The following NOL6 variants were observed in gnomAD, a reference collection of about 807,000 sequenced individuals.
NOL6 encodes the protein nucleolar RNA-associated protein.
NOL6 carries 33 observed loss-of-function variants against 131.7 expected under a neutral mutation model. The ratio of observed to expected loss-of-function variants is 0.25; its 90% CI spans 0.19 to 0.33. The LOEUF (loss-of-function observed/expected upper bound fraction) is 0.33. Among genes scored for constraint, NOL6 ranks in the 10% least tolerant of loss-of-function variants. The pLI, the probability that NOL6 is intolerant of heterozygous loss-of-function variation, is 1.00. For synonymous variants in NOL6, 580 were observed against 605.7 expected, an observed-to-expected ratio of 0.96 and a Z score of 0.62; for missense variants, 1,297 against 1,494.5, an observed-to-expected ratio of 0.87 and a Z score of 2.18.
chr9:33,469,564 C>T lies in NOL6; in HGVS notation c.662G>A (p.Gly221Asp). The T allele has an allele frequency of 1.2e-6, 2 of 1,608,296 alleles. No individual in the cohort carries two copies. The highest frequency in any genetic ancestry group is 1.1e-5 in the South Asian group (1 of 90,192). The change falls in exon 5 of 26, where the codon GGC becomes GAC. Residue 221 changes from glycine to aspartate, a missense_variant. Gly to Asp is a moderately conservative substitution (Grantham distance 94). Coordinates refer to ENST00000297990, the MANE Select transcript of NOL6 (RefSeq NM_022917.5). ...AHHLAQDPLF[G>D]SVCFSYTNGC... ...ATTTGTGTAGGAGAAGCAAACACTG[C>T]CAAAGAGGGGGTCCTGGGCCAGGTG... is the stretch of plus-strand genomic sequence containing the variant.
chr9:33,467,431 C>A lies in NOL6; in HGVS notation c.1688G>T (p.Ser563Ile), dbSNP rs1827277986. 6.2e-7 allele frequency: 1 copy of A among 1,614,228 alleles called. No individual in the cohort carries two copies. The highest frequency in any genetic ancestry group is 1.1e-5 in the South Asian group (1 of 91,090). ...TGCCTCTGGACCCAGCTCAAGGACG[C>A]TGGTCAGTCCCTCAGGCCGGAGAAG... Reference protein sequence around the residue: ...GLLLRPEGLTSVLELGPEADQ... With the variant: ...GLLLRPEGLTIVLELGPEADQ... Residue 563 changes from serine (S) to isoleucine (I), a missense_variant, in exon 13 of 26, where the codon AGC becomes ATC. Ser to Ile is a moderately radical substitution (Grantham distance 142). Transcript: ENST00000297990. This position sits in a 1 kb window ranked among gnomAD's most constrained non-coding sequence, Gnocchi z 4.4.
At chr9:33,466,785 C>A in intron 15 of NOL6, 76 bp from the exon 16 acceptor site, 5 of 1,590,646 alleles carry the variant, frequency 3.1e-6, no homozygotes, top group Non-Finnish European at 4.3e-6. Context: ...CCAGCTCAGG[C>A]TGCAGCAGAG....
rs757386025 is a variant in NOL6, at chr9:33,466,604, C to T, written c.2056G>A (p.Val686Ile). 1.2e-6 allele frequency: 2 copies of T among 1,614,028 alleles called. No individual in the cohort carries two copies. The highest frequency in any genetic ancestry group is 1.7e-6 in the Non-Finnish European group (2 of 1,180,046). ...CGCAGCACTGGGTGAGCTCCCTGAA[C>T]AGCAGACACGGTCAGTGGGAGACCC... ...LEGLPLTVSAVQGAHPVLRYT... is the reference protein window; with the variant it reads ...LEGLPLTVSAIQGAHPVLRYT... Residue 686 changes from valine to isoleucine, a missense_variant, in exon 16 of 26, where the codon GTT becomes ATT. Coordinates refer to ENST00000297990, the MANE Select transcript of NOL6 (RefSeq NM_022917.5).
chr9:33,469,193 C>T lies in NOL6; in HGVS notation c.862+14G>A, dbSNP rs2777747. On this transcript the variant is annotated intron_variant, in intron 6 of 25. Transcript: ENST00000297990. Reference sequence around the variant, plus strand: ...CTTCCCTCCAGCTCCACCTCAACACCAGGGCCTGCTCACCATCCCCTGCAG... The same window carrying T: ...CTTCCCTCCAGCTCCACCTCAACACTAGGGCCTGCTCACCATCCCCTGCAG... 0.067 allele frequency: 108,214 copies of T among 1,614,074 alleles called. 4,977 individuals carry two copies. The highest frequency in any genetic ancestry group is 0.23 in the African/African-American group (17,549 of 74,984).
rs1266396022 is a variant in NOL6, at chr9:33,468,271, GA to G, written c.1308+49del. The G allele has an allele frequency of 3.1e-6, 5 of 1,610,220 alleles. No homozygotes were observed. The South Asian group carries it at 5.5e-5, about 18-fold the overall frequency. ...GGTTCTGGTACTTGCAAAAGGGACA[GA>G]GTCTGGGCTGAGACATCAGGGGAAC... is the stretch of plus-strand genomic sequence containing the variant. On this transcript the variant is annotated intron_variant, in intron 10 of 25. Coordinates refer to ENST00000297990, the MANE Select transcript of NOL6 (RefSeq NM_022917.5).
rs773980052 is a variant in NOL6 at position 33,466,631 on chromosome 9, C to G, written c.2029G>C (p.Glu677Gln). Residue 677 changes from glutamate to glutamine, a missense_variant, in exon 16 of 26, where the codon GAG becomes CAG. Glu to Gln is a conservative substitution (Grantham distance 29). Transcript: ENST00000297990. ...DDLSRLLWGL[E>Q]GLPLTVSAVQ... Reference sequence around the variant, plus strand: ...GCAGACACGGTCAGTGGGAGACCCTCTAGCCCCCACAGTAGGCGACTGAGG... The same window carrying G: ...GCAGACACGGTCAGTGGGAGACCCTGTAGCCCCCACAGTAGGCGACTGAGG... 3 of 1,614,090 alleles carry G rather than the reference C, an allele frequency of 1.9e-6. No individual in the cohort carries two copies. Among genetic ancestry groups the G allele is most frequent in the South Asian group, 2.2e-5 (2 of 91,088 alleles).
Position 33,467,952 on chromosome 9 carries a change from G to A in NOL6, c.1424+78C>T. 3 of 1,607,470 alleles carry A rather than the reference G, an allele frequency of 1.9e-6. No homozygotes were observed. The highest frequency in any genetic ancestry group is 2.6e-6 in the Non-Finnish European group (3 of 1,175,508). ...TCCTCCCTGAATGATCTGAGCACCT[G>A]TCTGAAGACCTTTGCCCCACCACTG... On this transcript the variant is annotated intron_variant, in intron 11 of 25. Coordinates refer to ENST00000297990, the MANE Select transcript of NOL6 (RefSeq NM_022917.5). This position sits in a 1 kb window ranked among gnomAD's most constrained non-coding sequence, Gnocchi z 4.4.
intron 1 of NOL6, among the ~76,000 whole-genome samples, chr9:33,472,856 T>C (rs1424736968): frequency 6.6e-6 from 1 of 150,836 alleles, no homozygotes; most frequent in East Asian, 2.0e-4. Context: ...GCCTGTAATC[T>C]CAGCTACGCG....
intron 22 of NOL6, 50 bp from the exon 23 acceptor site, chr9:33,463,970 G>C: frequency 6.2e-7 from 1 of 1,613,844 alleles, no homozygotes; most frequent in Middle Eastern, 1.7e-4. Context: ...TCTCTCCCAG[G>C]TCAGGCTGGG....
intron 10 of NOL6, 86 bp downstream of exon 10, chr9:33,468,234 AG>A: frequency 6.2e-7 from 1 of 1,609,300 alleles, no homozygotes; most frequent in Non-Finnish European, 8.5e-7. Flanking sequence ...CTCTTTGAAG[AG>A]GAGTTTCTGG....
rs778373517 is a variant in NOL6 at position 33,469,096 on chromosome 9, G to A, written c.888C>T (p.Arg296=). Residue 296 remains arginine (R), a synonymous_variant, in exon 7 of 26, where the codon CGC becomes CGT. Transcript: ENST00000297990. The stretch of plus-strand genomic sequence containing the variant: ...TATCTTGCAGGACCCATGTGTTATA[G>A]CGGGGGGTAGGAGGCTCTGGGCTAC... ...GDGSPEPPTP[R]YNTWVLQDTV... 50 of 1,614,100 alleles carry A rather than the reference G, an allele frequency of 3.1e-5. No homozygotes were observed. The highest frequency in any genetic ancestry group is 4.2e-5 in the Non-Finnish European group (50 of 1,180,046).
intron 4 of NOL6, 147 bp downstream of exon 4, chr9:33,469,865 G>T: frequency 9.7e-7 from 1 of 1,027,434 alleles, no homozygotes; most frequent in Non-Finnish European, 1.4e-6. Context: ...AGGGATCTAA[G>T]CTGCCTTCAG....
rs201314716 is a variant in NOL6, at chr9:33,466,429, T to G, written c.2092-4A>C. ...GGACTGGAGTTGGTGGGAACACCTG[T>G]GGAAGAAGAGGGGCTGAGGAATGGG... is the stretch of plus-strand genomic sequence containing the variant. On this transcript the variant is annotated splice_region_variant and splice_polypyrimidine_tract_variant and intron_variant, in intron 16 of 25. Coordinates refer to ENST00000297990, the MANE Select transcript of NOL6 (RefSeq NM_022917.5). 1.2e-5 allele frequency: 19 copies of G among 1,613,912 alleles called. No individual in the cohort carries two copies. In the East Asian group the frequency reaches 2.7e-4, roughly 23 times the overall value.
In NOL6 at chr9:33,466,609, G is replaced by C. The variant is rs745776276; in HGVS notation, c.2051C>G (p.Ser684Cys). The change falls in exon 16 of 26, where the codon TCT becomes TGT. Residue 684 changes from serine to cysteine, a missense_variant. By Grantham distance (112) the Ser-to-Cys change is moderately radical. Transcript: ENST00000297990. ...WGLEGLPLTV[S>C]AVQGAHPVLR... Reference sequence around the variant, plus strand: ...CACTGGGTGAGCTCCCTGAACAGCAGACACGGTCAGTGGGAGACCCTCTAG... The same window carrying C: ...CACTGGGTGAGCTCCCTGAACAGCACACACGGTCAGTGGGAGACCCTCTAG... The C allele has an allele frequency of 3.7e-6, 6 of 1,614,030 alleles. No homozygotes were observed. In the East Asian group the frequency reaches 1.1e-4, roughly 30 times the overall value.
intron 3 of NOL6, chr9:33,470,420 T>C (rs541659882): frequency 3.7e-5 from 12 of 324,826 alleles, no homozygotes; most frequent in South Asian, 1.0e-4. Flanking sequence ...GAGCCGGGCG[T>C]GGTGGCTCAC....
chr9:33,466,552 G>A lies in NOL6; in HGVS notation c.2091+17C>T. ...GGGCCACTAAGCAGAAAGGTCACCT[G>A]CACCGTTGCACCTCACCTCTGTGTA... On this transcript the variant is annotated intron_variant, in intron 16 of 25. Transcript: ENST00000297990. 1.9e-6 allele frequency: 3 copies of A among 1,613,808 alleles called. No individual in the cohort carries two copies. The highest frequency in any genetic ancestry group is 2.5e-6 in the Non-Finnish European group (3 of 1,179,792).
chr9:33,465,931 G>A (rs771253671), intron 18 of NOL6, 34 bp from the exon 19 acceptor site: 5 of 1,604,658 alleles, frequency 3.1e-6, no homozygotes, highest in South Asian at 1.1e-5. Context: ...AGAAGGATGT[G>A]TCAGCCCAGA....
At position 33,471,042 on chromosome 9, in the gene NOL6, G is replaced by A. The variant is rs141550712; in HGVS notation, c.379-851C>T. Among the ~76,000 whole-genome samples the A allele has an allele frequency of 6.1e-3, 924 of 152,250 alleles. 3 individuals are homozygous for A. The highest frequency in any genetic ancestry group is 0.01 in the Middle Eastern group (3 of 288). Reference sequence around the variant, plus strand: ...AATCCCAGCACTTTGGAAGGCCAAGGAGAGCAAATTACCTGAGGTCAGGAG... The same window carrying A: ...AATCCCAGCACTTTGGAAGGCCAAGAAGAGCAAATTACCTGAGGTCAGGAG... On this transcript the variant is annotated intron_variant, in intron 3 of 25. Coordinates refer to ENST00000297990, the MANE Select transcript of NOL6 (RefSeq NM_022917.5).
In NOL6 at chr9:33,462,832, A is replaced by G; in HGVS notation, c.3292-19T>C. 6.2e-7 allele frequency: 1 copy of G among 1,613,662 alleles called. No individual in the cohort carries two copies. The highest frequency in any genetic ancestry group is 8.5e-7 in the Non-Finnish European group (1 of 1,179,792). On this transcript the variant is annotated intron_variant, in intron 25 of 25. Coordinates refer to ENST00000297990, the MANE Select transcript of NOL6 (RefSeq NM_022917.5). ...TGGAGGCCTGGGGAAATCAGAGAAG[A>G]GATGTGGGTTGAGTGTCACAGCGGC... is the stretch of plus-strand genomic sequence containing the variant.
Sources: gnomAD v4.1 joint callset for allele counts (sites outside exome capture counted in the v4.1 genomes callset) on GRCh38, gnomAD v4.1.1 for gene constraint, Gnocchi (gnomAD v3.1) non-coding constraint, MANE v1.5 for transcripts, NCBI Gene and HGNC (gene_info 2026-07-23, HGNC 2026-07-21) for gene names.